Variants in VSTM2B observed in about 807,000 individuals in gnomAD.
VSTM2B encodes the protein V-set and transmembrane domain-containing protein 2B.
A neutral mutation model predicts 24.0 loss-of-function variants in VSTM2B; 24 were observed. The ratio of observed to expected loss-of-function variants is 1.00; its 90% CI spans 0.72 to 1.40. VSTM2B has a LOEUF of 1.40. Among genes scored for constraint, VSTM2B ranks in the 40% most tolerant of loss-of-function variants. The pLI is 0.00. For synonymous variants in VSTM2B, 226 were observed against 194.4 expected, an observed-to-expected ratio of 1.16 and a Z score of -1.35; for missense variants, 399 against 416.4, an observed-to-expected ratio of 0.96 and a Z score of 0.36.
In VSTM2B at chr19:29,526,465, C is replaced by A; in HGVS notation, c.-119C>A. 1 of 545,674 alleles carries A rather than the reference C, an allele frequency of 1.8e-6. No homozygotes were observed. Among genetic ancestry groups the A allele is most frequent in the Non-Finnish European group, 2.6e-6 (1 of 385,572 alleles). 33.8% of individuals were successfully genotyped at this position (545,674 alleles called of 1,614,324 possible). On this transcript the variant is annotated 5_prime_UTR_variant, in exon 1 of 5. Transcript: ENST00000335523. The surrounding 1 kb of genome is among the most constrained non-coding windows in gnomAD (Gnocchi z 4.1). ...CCGCCGGCGGCCAGGGGAGGGGGCGCCGCGCGGGGCCATGGCAGGCTCGGA... is the reference window on the plus strand; with the variant it reads ...CCGCCGGCGGCCAGGGGAGGGGGCGACGCGCGGGGCCATGGCAGGCTCGGA...
intron 4 of VSTM2B, among the ~76,000 whole-genome samples, chr19:29,556,436 G>A (rs1218759249): frequency 6.6e-6 from 1 of 152,146 alleles, no homozygotes; most frequent in Non-Finnish European, 1.5e-5. Context: ...TCTACAGAAT[G>A]GGCAAAAGCT....
At chr19:29,543,660 T>C (rs555113520) in intron 4 of VSTM2B, among the ~76,000 whole-genome samples, 1 of 152,336 alleles carries the variant, frequency 6.6e-6, no homozygotes, top group African/African-American at 2.4e-5. Flanking sequence ...CAGTCATTAA[T>C]TGACTACCCA....
At chr19:29,538,775 G>A (rs990750688) in intron 4 of VSTM2B, among the ~76,000 whole-genome samples, 6 of 152,112 alleles carry the variant, frequency 3.9e-5, no homozygotes, top group African/African-American at 1.4e-4. Context: ...TAAACAACCA[G>A]CTGTCATGTG....
chr19:29,551,847 G>C (rs1221473509), intron 4 of VSTM2B, among the ~76,000 whole-genome samples: 2 of 152,170 alleles, frequency 1.3e-5, no homozygotes, highest in African/African-American at 2.4e-5. Context: ...ATGCCAGCCA[G>C]CCCGCTCAGC....
At chr19:29,537,985 C>T (rs1416764236) in intron 4 of VSTM2B, among the ~76,000 whole-genome samples, 3 of 152,322 alleles carry the variant, frequency 2.0e-5, no homozygotes, top group East Asian at 1.9e-4. Context: ...GAGGAAGTTA[C>T]ACTCACCACC....
intron 4 of VSTM2B, among the ~76,000 whole-genome samples, chr19:29,543,035 G>A (rs1970060535): frequency 6.6e-6 from 1 of 152,118 alleles, no homozygotes; most frequent in African/African-American, 2.4e-5. Context: ...CAGCCTTTAG[G>A]GACAGGAGCA....
chr19:29,562,240 C>A (rs1053448204), intron 4 of VSTM2B, among the ~76,000 whole-genome samples: 1 of 152,184 alleles, frequency 6.6e-6, no homozygotes, highest in African/African-American at 2.4e-5. Context: ...GACATGAACT[C>A]CATGACACAG....
chr19:29,546,435 A>G (rs1394596977), intron 4 of VSTM2B, among the ~76,000 whole-genome samples: 4 of 152,014 alleles, frequency 2.6e-5, no homozygotes, highest in Non-Finnish European at 5.9e-5. Context: ...AAGTCACCCA[A>G]CCTCTCTGGG....
At chr19:29,557,303 T>C (rs1040673619) in intron 4 of VSTM2B, among the ~76,000 whole-genome samples, 1 of 152,212 alleles carries the variant, frequency 6.6e-6, no homozygotes, top group African/African-American at 2.4e-5. Flanking sequence ...GGATTCCCTA[T>C]TTAATAAATG....
In VSTM2B at chr19:29,563,822, T is replaced by C. The variant is rs146590547; in HGVS notation, c.770-24T>C. On this transcript the variant is annotated intron_variant, in intron 4 of 4. Transcript: ENST00000335523. ...GTTCTTGAGACTCAGGTGTTAACCT[T>C]GCCTGTTTTCTCATCCCCTGCAGGC... The C allele has an allele frequency of 5.8e-4, 894 of 1,549,842 alleles. 4 individuals carry two copies. The African/African-American group carries it at 0.011, about 18-fold the overall frequency.
intron 4 of VSTM2B, among the ~76,000 whole-genome samples, chr19:29,563,212 T>C (rs1970575280): frequency 6.6e-6 from 1 of 151,638 alleles, no homozygotes; most frequent in African/African-American, 2.4e-5. Flanking sequence ...TGAGGACATT[T>C]CTGTCCTCAT....
intron 4 of VSTM2B, among the ~76,000 whole-genome samples, chr19:29,563,220 C>T (rs1027674101): frequency 1.3e-5 from 2 of 150,512 alleles, no homozygotes; most frequent in East Asian, 2.0e-4. Flanking sequence ...TTTCTGTCCT[C>T]ATGTATCTGG....
chr19:29,546,584 G>T (rs115388392), intron 4 of VSTM2B, among the ~76,000 whole-genome samples: 2 of 152,212 alleles, frequency 1.3e-5, no homozygotes, highest in African/African-American at 4.8e-5. Context: ...AGGCTCAAAG[G>T]TTAGCAATCC....
chr19:29,558,475 C>T (rs570467051), intron 4 of VSTM2B, among the ~76,000 whole-genome samples: 2 of 152,126 alleles, frequency 1.3e-5, no homozygotes, highest in Non-Finnish European at 2.9e-5. Context: ...GCCCATCAAC[C>T]ATAGACTGGA....
chr19:29,562,143 C>T (rs1458823190), intron 4 of VSTM2B, among the ~76,000 whole-genome samples: 1 of 152,206 alleles, frequency 6.6e-6, no homozygotes, highest in Non-Finnish European at 1.5e-5. Context: ...CTGTGTTTCC[C>T]ACAGTGGTCA....
chr19:29,531,596 C>T (rs1371047681), intron 4 of VSTM2B, among the ~76,000 whole-genome samples: 11 of 152,198 alleles, frequency 7.2e-5, no homozygotes, highest in Non-Finnish European at 7.3e-5. Context: ...CTGTAGCAGC[C>T]GCCTCAGTGC....
rs966747250 is a variant in VSTM2B at position 29,528,539 on chromosome 19, A to G, written c.297+77A>G. On this transcript the variant is annotated intron_variant, in intron 3 of 4. Transcript: ENST00000335523. ...GGTCCCGCAGCTCCCTCCCTTAGCA[A>G]GCCGCGGCGGCCGCGCATGTGGGGC... The G allele has an allele frequency of 7.2e-6, 11 of 1,530,678 alleles. No individual in the cohort carries two copies. In the Admixed American group the frequency reaches 2.0e-4, roughly 28 times the overall value. 94.8% of individuals were successfully genotyped at this position (1,530,678 alleles called of 1,614,324 possible). A position where few individuals can be genotyped will look rare whatever the true frequency, so the allele number is the denominator to read the frequency against.
chr19:29,556,270 C>T lies in VSTM2B; in HGVS notation c.770-7576C>T, dbSNP rs139692490. Among the ~76,000 whole-genome samples, 309 of 152,074 alleles carry T rather than the reference C, an allele frequency of 2.0e-3. 1 individual carries two copies. Among genetic ancestry groups the T allele is most frequent in the African/African-American group, 5.6e-3 (231 of 41,530 alleles). The stretch of plus-strand genomic sequence containing the variant: ...GCACAAAACATAATTCTAAACAGAA[C>T]GAAAGACCAAAACCACATGATTATC... On this transcript the variant is annotated intron_variant, in intron 4 of 4. Transcript: ENST00000335523.
chr19:29,532,106 T>C (rs1463985487), intron 4 of VSTM2B, among the ~76,000 whole-genome samples: 2 of 152,262 alleles, frequency 1.3e-5, no homozygotes, highest in East Asian at 3.8e-4. Context: ...TAAGTATGTA[T>C]CATTCTTGGG....
Sources: allele counts gnomAD v4.1 joint callset (sites outside exome capture counted in the v4.1 genomes callset), GRCh38; gene constraint gnomAD v4.1.1; non-coding constraint Gnocchi (gnomAD v3.1); transcripts MANE v1.5; gene names NCBI Gene and HGNC (gene_info 2026-07-23, HGNC 2026-07-21).